The following FBXL2 variants were observed in gnomAD, a reference collection of about 807,000 sequenced individuals.
The protein encoded by FBXL2 is F-box and leucine rich repeat protein 2, also known as F-box/LRR-repeat protein 2.
Under a neutral mutation model 69.2 loss-of-function variants are expected in FBXL2, and 38 were observed. The ratio of observed to expected loss-of-function variants is 0.55; its 90% CI spans 0.42 to 0.72. FBXL2 has a LOEUF of 0.72. Ranked by LOEUF, FBXL2 falls within the 30% of genes least tolerant of loss-of-function variation. The pLI is 0.00. For missense variants in FBXL2, 354 were observed against 520.3 expected (o/e 0.68, Z 3.11); for synonymous variants, 192 against 201.3 (o/e 0.95, Z 0.39).
intron 2 of FBXL2, among the ~76,000 whole-genome samples, chr3:33,305,708 CTTTAA>C (rs1465018124): frequency 6.6e-6 from 1 of 151,858 alleles, no homozygotes; most frequent in Non-Finnish European, 1.5e-5. Flanking sequence ...TTAATTATTA[CTTTAA>C]TTTGTTAGAA....
chr3:33,369,613 T>TATC (rs1476057916), intron 5 of FBXL2, among the ~76,000 whole-genome samples: 1 of 152,026 alleles, frequency 6.6e-6, no homozygotes, highest in African/African-American at 2.4e-5. Flanking sequence ...TTATCATTAT[T>TATC]ATCATTATTA....
rs141812704 is a variant in FBXL2 at position 33,330,254 on chromosome 3, A to G, written c.66-28713A>G. Reference sequence around the variant, plus strand: ...GCTGTGATTGCACCAATCATAGTCCAAACTGGGTGATGGAGCAAGACATTG... The same window carrying G: ...GCTGTGATTGCACCAATCATAGTCCGAACTGGGTGATGGAGCAAGACATTG... On this transcript the variant is annotated intron_variant, in intron 2 of 14. Transcript: ENST00000484457. 2.0e-3 allele frequency among the ~76,000 whole-genome samples: 303 copies of G among 151,770 alleles called. 1 individual carries two copies. Among genetic ancestry groups the G allele is most frequent in the African/African-American group, 6.5e-3 (267 of 41,214 alleles).
At chr3:33,344,138 A>G (rs2040271598) in intron 2 of FBXL2, among the ~76,000 whole-genome samples, 1 of 152,012 alleles carries the variant, frequency 6.6e-6, no homozygotes, top group Admixed American at 6.5e-5. Flanking sequence ...GCTATAAAAT[A>G]CCCTGGAATA....
chr3:33,285,856 C>T (rs1042402327), intron 1 of FBXL2, among the ~76,000 whole-genome samples: 7 of 152,160 alleles, frequency 4.6e-5, no homozygotes, highest in Admixed American at 6.5e-5. Flanking sequence ...GCATGCATCA[C>T]GTGGTTCTCA....
intron 4 of FBXL2, among the ~76,000 whole-genome samples, chr3:33,362,461 T>C (rs549108061): frequency 1.1e-3 from 170 of 152,246 alleles, no homozygotes; most frequent in African/African-American, 3.9e-3. Context: ...CTGGCTTGAA[T>C]ATTGCACTGA....
chr3:33,348,605 A>G (rs981263384), intron 2 of FBXL2, among the ~76,000 whole-genome samples: 3 of 152,004 alleles, frequency 2.0e-5, no homozygotes, highest in Non-Finnish European at 2.9e-5. Flanking sequence ...TTTGGGTAAT[A>G]TGGACATTTT....
chr3:33,346,940 G>A (rs1472905540), intron 2 of FBXL2, among the ~76,000 whole-genome samples: 3 of 152,124 alleles, frequency 2.0e-5, no homozygotes, highest in Non-Finnish European at 2.9e-5. Flanking sequence ...GGGGATATCC[G>A]TCCCTTCAAG....
At chr3:33,323,914 C>G (rs1474235998) in intron 2 of FBXL2, among the ~76,000 whole-genome samples, 1 of 152,164 alleles carries the variant, frequency 6.6e-6, no homozygotes, top group Non-Finnish European at 1.5e-5. Flanking sequence ...CTAATTTACA[C>G]TCCTACCAAC....
At chr3:33,357,616 G>A (rs983940800) in intron 2 of FBXL2, among the ~76,000 whole-genome samples, 6 of 138,028 alleles carry the variant, frequency 4.3e-5, no homozygotes, top group East Asian at 2.4e-4. Context: ...TGCAGGCTCC[G>A]CCTCCCGGGT....
intron 4 of FBXL2, 119 bp downstream of exon 4, chr3:33,359,476 A>T (rs574669354): frequency 2.5e-4 from 139 of 566,726 alleles, no homozygotes; most frequent in Middle Eastern, 4.0e-4. Flanking sequence ...GGTAGAACAG[A>T]AAGAAGAAAA....
At chr3:33,354,577 A>G (rs113413831) in intron 2 of FBXL2, among the ~76,000 whole-genome samples, 2,759 of 152,296 alleles carry the variant, frequency 0.018, 34 homozygotes, top group South Asian at 0.027. Flanking sequence ...GCATGTGCCA[A>G]ATGGAAATAT....
chr3:33,318,020 G>GT lies in FBXL2; in HGVS notation c.65+20303dup, dbSNP rs559582544. 1.2e-3 allele frequency among the ~76,000 whole-genome samples: 186 copies of GT among 151,794 alleles called. 1 individual carries two copies. Among genetic ancestry groups the GT allele is most frequent in the African/African-American group, 2.6e-3 (108 of 41,372 alleles). ...AGCATGTTTTGGGCCAGGTTTCTGG[G>GT]TTTTTTTTGTTTTTTTGACAGAATT... On this transcript the variant is annotated intron_variant, in intron 2 of 14. Transcript: ENST00000484457.
At chr3:33,410,869 C>G in the FBXL2 span, among the ~76,000 whole-genome samples, 1 of 151,910 alleles carries the variant, frequency 6.6e-6, no homozygotes, top group African/African-American at 2.4e-5. Flanking sequence ...GTCAGGAGCT[C>G]AAGACCAGTC....
intron 2 of FBXL2, among the ~76,000 whole-genome samples, chr3:33,327,958 C>CAA (rs11458838): frequency 0.017 from 2,445 of 144,830 alleles, 51 homozygotes; most frequent in African/African-American, 0.042. Context: ...AAGAATCTAC[C>CAA]AAAAAAAAAA....
Position 33,373,664 on chromosome 3 carries a change from G to T in FBXL2, c.542G>T (p.Cys181Phe), listed in dbSNP as rs768000706. 1.2e-6 allele frequency: 2 copies of T among 1,614,212 alleles called. No homozygotes were observed. The highest frequency in any genetic ancestry group is 8.5e-7 in the Non-Finnish European group (1 of 1,180,026). ...GGCATCGAGGCACTGGTGCGAGGTT[G>T]TCGAGGCCTGAAAGCCCTGCTCCTG... The part of the protein sequence containing the change: ...KDGIEALVRG[C>F]RGLKALLLRG... The change falls in exon 8 of 15, where the codon TGT (cysteine) becomes TTT (phenylalanine). Residue 181 changes from cysteine (C) to phenylalanine (F), a missense_variant. Physicochemically the swap from Cys to Phe is radical, Grantham distance 205. Transcript: ENST00000484457.
At chr3:33,398,687 G>A (rs1436205338) in intron 12 of FBXL2, among the ~76,000 whole-genome samples, 6 of 152,228 alleles carry the variant, frequency 3.9e-5, no homozygotes, top group African/African-American at 1.4e-4. Context: ...AGAAGGCCAC[G>A]CCATGTGATC....
chr3:33,375,983 C>T (rs546406054), intron 10 of FBXL2, among the ~76,000 whole-genome samples: 2 of 152,184 alleles, frequency 1.3e-5, no homozygotes, highest in African/African-American at 2.4e-5. Flanking sequence ...ATGGTGACAC[C>T]TCGTCTCTAC....
At chr3:33,359,128 A>G in intron 3 of FBXL2, 107 bp downstream of exon 3, 1 of 898,132 alleles carries the variant, frequency 1.1e-6, no homozygotes. Flanking sequence ...TATACTTAAT[A>G]TAACATAATG....
At chr3:33,297,330 A>G (rs2035835633) in intron 1 of FBXL2, among the ~76,000 whole-genome samples, 1 of 152,114 alleles carries the variant, frequency 6.6e-6, no homozygotes, top group Non-Finnish European at 1.5e-5. Flanking sequence ...AATTTTCTAT[A>G]TGCAAGATCA....
Sources: allele counts gnomAD v4.1 joint callset (sites outside exome capture counted in the v4.1 genomes callset), GRCh38; gene constraint gnomAD v4.1.1; transcripts MANE v1.5; gene names NCBI Gene and HGNC (gene_info 2026-07-23, HGNC 2026-07-21).